Variants in ARHGAP22 observed in about 807,000 individuals in gnomAD.
ARHGAP22 encodes the protein Rho GTPase activating protein 22.
A neutral mutation model predicts 59.1 loss-of-function variants in ARHGAP22; 48 were observed. The observed-to-expected ratio is 0.81, with a 90% CI of 0.64 to 1.03. The LOEUF is 1.03. Among genes scored for constraint, ARHGAP22 ranks in the 50% least tolerant of loss-of-function variants. The pLI, the probability that ARHGAP22 is intolerant of heterozygous loss-of-function variation, is 0.00. For missense variants in ARHGAP22, 1,015 were observed against 958.7 expected (o/e 1.06, Z -0.78); for synonymous variants, 445 against 416.4 (o/e 1.07, Z -0.84).
At chr10:48,499,092 C>T (rs144949924) in intron 3 of ARHGAP22, among the ~76,000 whole-genome samples, 16 of 152,302 alleles carry the variant, frequency 1.1e-4, no homozygotes, top group South Asian at 2.1e-4. Flanking sequence ...TAGTCCAAAG[C>T]GGGTGAAGGG....
chr10:48,537,783 G>T (rs903072896), intron 3 of ARHGAP22, among the ~76,000 whole-genome samples: 2 of 152,208 alleles, frequency 1.3e-5, no homozygotes, highest in Non-Finnish European at 2.9e-5. Context: ...GCAGTGCCTC[G>T]GGCCAAGTAA....
chr10:48,633,512 A>T (rs1043703969), intron 1 of ARHGAP22, among the ~76,000 whole-genome samples: 1 of 152,220 alleles, frequency 6.6e-6, no homozygotes, highest in African/African-American at 2.4e-5. Flanking sequence ...CTTTTCTTTT[A>T]ATTAGACATG....
At chr10:48,570,459 A>G (rs77642546) in intron 2 of ARHGAP22, among the ~76,000 whole-genome samples, 1,975 of 152,334 alleles carry the variant, frequency 0.013, 41 homozygotes, top group African/African-American at 0.045. Context: ...AACGTGCTGC[A>G]GAAGACACTT....
In ARHGAP22 at chr10:48,649,386, T is replaced by C. The variant is rs544041965; in HGVS notation, c.52+2848A>G. On this transcript the variant is annotated intron_variant, in intron 1 of 9. Coordinates refer to the ARHGAP22 transcript ENST00000435790. Reference sequence around the variant, plus strand: ...GGAGAGGGTTTCGAAGGAGCCTCCCTACCCCAGGCTGCTCCCAGCCTTGGT... The same window carrying C: ...GGAGAGGGTTTCGAAGGAGCCTCCCCACCCCAGGCTGCTCCCAGCCTTGGT... Among the ~76,000 whole-genome samples the C allele has an allele frequency of 3.3e-5, 5 of 152,300 alleles. No homozygotes were observed. In the East Asian group the frequency reaches 9.7e-4, roughly 29 times the overall value.
At chr10:48,567,181 C>T (rs1383815714) in intron 2 of ARHGAP22, among the ~76,000 whole-genome samples, 3 of 152,210 alleles carry the variant, frequency 2.0e-5, no homozygotes, top group African/African-American at 7.2e-5. Flanking sequence ...TGGGGTCTAC[C>T]CCTTCAGGCA....
chr10:48,651,719 A>C (rs569186100), intron 1 of ARHGAP22, among the ~76,000 whole-genome samples: 1 of 152,238 alleles, frequency 6.6e-6, no homozygotes, highest in Admixed American at 6.5e-5. Context: ...TCTAACAATT[A>C]TCTCCCAGGC....
intron 1 of ARHGAP22, among the ~76,000 whole-genome samples, chr10:48,595,543 A>C (rs936962161): frequency 6.6e-6 from 1 of 151,730 alleles, no homozygotes; most frequent in African/African-American, 2.4e-5. Context: ...TTTTTTTTTG[A>C]GATAGAGTCT....
At chr10:48,489,834 C>T (rs536619171) in intron 3 of ARHGAP22, among the ~76,000 whole-genome samples, 4 of 151,174 alleles carry the variant, frequency 2.6e-5, no homozygotes, top group East Asian at 3.9e-4. Flanking sequence ...CCTAGGTTCA[C>T]GCCATTCTCC....
intron 3 of ARHGAP22, among the ~76,000 whole-genome samples, chr10:48,555,117 T>C (rs537112780): frequency 9.8e-5 from 15 of 152,344 alleles, no homozygotes; most frequent in African/African-American, 3.4e-4. Context: ...TACCTAAATA[T>C]TCTTGATCTG....
At chr10:48,558,523 A>C (rs2057469869) in intron 2 of ARHGAP22, among the ~76,000 whole-genome samples, 1 of 151,534 alleles carries the variant, frequency 6.6e-6, no homozygotes, top group Admixed American at 6.6e-5. Flanking sequence ...ATGCCTAGCT[A>C]ATTTTTGCTA....
intron 1 of ARHGAP22, among the ~76,000 whole-genome samples, chr10:48,596,293 C>T (rs2060062454): frequency 6.6e-6 from 1 of 152,098 alleles, no homozygotes; most frequent in Non-Finnish European, 1.5e-5. Context: ...CCTGTGAGAG[C>T]CACTGCATAT....
chr10:48,557,603 A>ATGC (rs373897703), intron 2 of ARHGAP22, among the ~76,000 whole-genome samples: 1 of 152,294 alleles, frequency 6.6e-6, no homozygotes, highest in African/African-American at 2.4e-5. Flanking sequence ...GGTGTGCCCA[A>ATGC]TGCTGGAGCC....
chr10:48,635,375 T>G (rs1354050037), intron 1 of ARHGAP22, among the ~76,000 whole-genome samples: 1 of 152,244 alleles, frequency 6.6e-6, no homozygotes, highest in Non-Finnish European at 1.5e-5. Flanking sequence ...GCTCCGTAAC[T>G]TGTCCCAGCC....
At chr10:48,601,773 T>C (rs1589112166) in intron 1 of ARHGAP22, among the ~76,000 whole-genome samples, 1 of 145,550 alleles carries the variant, frequency 6.9e-6, no homozygotes, top group South Asian at 2.7e-4. Context: ...AATTGCCTTG[T>C]TTTTTATTTG....
intron 4 of ARHGAP22, among the ~76,000 whole-genome samples, chr10:48,472,380 C>T (rs4838600): frequency 0.17 from 25,044 of 150,062 alleles, 2,692 homozygotes; most frequent in East Asian, 0.61. Flanking sequence ...AAAAATTAGC[C>T]GGGTATGGTG....
chr10:48,581,514 C>T (rs768221147), intron 2 of ARHGAP22, among the ~76,000 whole-genome samples: 2 of 152,218 alleles, frequency 1.3e-5, no homozygotes, highest in Non-Finnish European at 2.9e-5. Flanking sequence ...CTTTCTCATA[C>T]AATCAAGGAG....
chr10:48,562,952 T>G (rs913009017), intron 2 of ARHGAP22, among the ~76,000 whole-genome samples: 4 of 152,168 alleles, frequency 2.6e-5, no homozygotes, highest in Non-Finnish European at 5.9e-5. Flanking sequence ...AATTCTGCAA[T>G]GGGCCTTACT....
rs777896114 is a variant in ARHGAP22 at position 48,604,780 on chromosome 10, A to T, written c.17T>A (p.Ile6Asn). 3.1e-6 allele frequency: 5 copies of T among 1,613,980 alleles called. No homozygotes were observed. In the African/African-American group the frequency reaches 5.3e-5, roughly 17 times the overall value. Residue 6 changes from isoleucine (I) to asparagine (N), a missense_variant, in exon 1 of 10, where the codon ATC (isoleucine) becomes AAC (asparagine). By Grantham distance (149) the Ile-to-Asn change is moderately radical (BLOSUM62 -3). Transcript: ENST00000249601. ...GGACTTACCCCTCCTGGCCTGCCTGATCTTTGGGCTCAGCATGTTCTTGCA... is the reference window on the plus strand; with the variant it reads ...GGACTTACCCCTCCTGGCCTGCCTGTTCTTTGGGCTCAGCATGTTCTTGCA... MLSPK[I>N]RQARRARSKS...
chr10:48,644,602 T>C (rs2062211141), intron 1 of ARHGAP22, among the ~76,000 whole-genome samples: 1 of 152,178 alleles, frequency 6.6e-6, no homozygotes, highest in Non-Finnish European at 1.5e-5. Context: ...GGAATTAAAT[T>C]AGAAATAACA....
Sources: gnomAD v4.1 joint callset for allele counts (sites outside exome capture counted in the v4.1 genomes callset) on GRCh38, gnomAD v4.1.1 for gene constraint, MANE v1.5 for transcripts, NCBI Gene and HGNC (gene_info 2026-07-23, HGNC 2026-07-21) for gene names.